Variants in TRIM58 observed in about 807,000 individuals in gnomAD.
The protein encoded by TRIM58 is tripartite motif containing 58.
Under a neutral mutation model 34.1 loss-of-function variants are expected in TRIM58, and 38 were observed. The ratio of observed to expected loss-of-function variants is 1.12; its 90% CI spans 0.86 to 1.46. The LOEUF (loss-of-function observed/expected upper bound fraction) is 1.46. Among genes scored for constraint, TRIM58 ranks in the 40% most tolerant of loss-of-function variants. The probability of loss-of-function intolerance (pLI) is 0.00; values close to 1 mark genes in which losing one functional copy is unlikely to be tolerated. For missense variants in TRIM58, 677 were observed against 642.0 expected (o/e 1.05, Z -0.59); for synonymous variants, 273 against 275.7 (o/e 0.99, Z 0.10).
chr1:247,877,741 A>C lies in TRIM58; in HGVS notation c.*1252A>C, dbSNP rs1305032374. On this transcript the variant is annotated 3_prime_UTR_variant, in exon 6 of 6. Transcript: ENST00000366481. The stretch of plus-strand genomic sequence containing the variant: ...CAGCTTTTCCATTTAAATACATTAT[A>C]ATGATGATGATGAAATCATGATAAT... 1 of 152,168 alleles carries C rather than the reference A, an allele frequency of 6.6e-6. No homozygotes were observed. Among genetic ancestry groups the C allele is most frequent in the Non-Finnish European group, 1.5e-5 (1 of 68,038 alleles). The allele number at this position is 152,168 out of a possible 1,614,324, so 9.4% of individuals were successfully genotyped here.
At chr1:247,866,426 G>A (rs1419956800) in intron 3 of TRIM58, among the ~76,000 whole-genome samples, 7 of 151,946 alleles carry the variant, frequency 4.6e-5, no homozygotes, top group African/African-American at 7.3e-5. Context: ...TAGGTGATCC[G>A]CCCACTTTGG....
Position 247,877,672 on chromosome 1 carries a change from A to G in TRIM58, c.*1183A>G, listed in dbSNP as rs975165041. 1 of 152,174 alleles carries G rather than the reference A, an allele frequency of 6.6e-6. No individual in the cohort carries two copies. The highest frequency in any genetic ancestry group is 2.4e-5 in the African/African-American group (1 of 41,436). 9.4% of individuals were successfully genotyped at this position (152,174 alleles called of 1,614,324 possible). On this transcript the variant is annotated 3_prime_UTR_variant, in exon 6 of 6. Coordinates refer to ENST00000366481, the MANE Select transcript of TRIM58 (RefSeq NM_015431.4). ...ACAATTATACTGGCCTCACTGTGTT[A>G]TGGTAAATATTTAAGGTCATATTTG... is the stretch of plus-strand genomic sequence containing the variant.
At position 247,872,419 on chromosome 1, in the gene TRIM58, G is replaced by C. The variant is rs1045840789; in HGVS notation, c.872-3481G>C. ...TAAGATTTGCTGTTGGATTATATAT[G>C]ATGTGCTATAAACAGGAAGAGCCAT... On this transcript the variant is annotated intron_variant, in intron 5 of 5. Coordinates refer to ENST00000366481, the MANE Select transcript of TRIM58 (RefSeq NM_015431.4). 6.6e-5 allele frequency among the ~76,000 whole-genome samples: 10 copies of C among 152,292 alleles called. No individual in the cohort carries two copies. The East Asian group carries it at 1.9e-3, about 29-fold the overall frequency.
intron 3 of TRIM58, among the ~76,000 whole-genome samples, chr1:247,867,302 ACTC>A (rs1299448162): frequency 6.6e-6 from 1 of 152,198 alleles, no homozygotes; most frequent in East Asian, 1.9e-4. Flanking sequence ...GCAGAATGTT[ACTC>A]TGTTACAATA....
At chr1:247,875,820 G>C (rs373736042) in intron 5 of TRIM58, 80 bp from the exon 6 acceptor site, 6 of 1,222,250 alleles carry the variant, frequency 4.9e-6, no homozygotes, top group East Asian at 4.7e-5. Context: ...GGAACTGTGG[G>C]ACTATTCTTT....
chr1:247,867,389 A>G (rs1268080194), intron 3 of TRIM58, among the ~76,000 whole-genome samples: 1 of 152,172 alleles, frequency 6.6e-6, no homozygotes, highest in African/African-American at 2.4e-5. Context: ...TAAACTTTGT[A>G]TAGCTTTAAA....
At position 247,878,402 on chromosome 1, in the gene TRIM58, A is replaced by G. The variant is rs188587764; in HGVS notation, c.*1913A>G. On this transcript the variant is annotated 3_prime_UTR_variant, in exon 6 of 6. Transcript: ENST00000366481. ...GACATCTTTAACTTACCTTCCAATC[A>G]TATTACTAACGTAGCCTTCTTCCTA... Among the ~76,000 whole-genome samples the G allele has an allele frequency of 2.2e-3, 329 of 152,266 alleles. No individual in the cohort carries two copies. The highest frequency in any genetic ancestry group is 5.8e-3 in the Admixed American group (89 of 15,298).
At chr1:247,858,661 T>C (rs986415042) in intron 1 of TRIM58, among the ~76,000 whole-genome samples, 6 of 152,074 alleles carry the variant, frequency 3.9e-5, no homozygotes, top group Non-Finnish European at 8.8e-5. Flanking sequence ...ATTTGCGAGA[T>C]GTAGGTACTA....
intron 5 of TRIM58, among the ~76,000 whole-genome samples, chr1:247,874,206 C>G (rs1233550560): frequency 3.9e-5 from 6 of 152,288 alleles, no homozygotes; most frequent in East Asian, 3.9e-4. Context: ...GTACAGGAGT[C>G]ATGGTGCTGG....
chr1:247,872,380 G>A (rs989253253), intron 5 of TRIM58, among the ~76,000 whole-genome samples: 5 of 152,164 alleles, frequency 3.3e-5, no homozygotes, highest in African/African-American at 7.2e-5. Flanking sequence ...GTTATATACT[G>A]AAGGCAGAGC....
chr1:247,857,601 G>C lies in TRIM58; in HGVS notation c.355G>C (p.Asp119His), dbSNP rs1214722288. 2 of 1,259,780 alleles carry C rather than the reference G, an allele frequency of 1.6e-6. No individual in the cohort carries two copies. Among genetic ancestry groups the C allele is most frequent in the Non-Finnish European group, 2.0e-6 (2 of 1,005,932 alleles). The allele number at this position is 1,259,780 out of a possible 1,614,324, so 78.0% of individuals were successfully genotyped here. The stretch of plus-strand genomic sequence containing the variant: ...CGAGGCGGCGCTGTGCTGGGTGTGC[G>C]ACGCCGGCCCCGAGCACAGGACGCA... Reference protein sequence around the residue: ...EDEAALCWVCDAGPEHRTHRT... With the variant: ...EDEAALCWVCHAGPEHRTHRT... Residue 119 changes from aspartate (D) to histidine (H), a missense_variant, in exon 1 of 6, where the codon GAC becomes CAC. Asp to His is a moderately conservative substitution (Grantham distance 81, BLOSUM62 -1). Coordinates refer to ENST00000366481, the MANE Select transcript of TRIM58 (RefSeq NM_015431.4).
Position 247,857,213 on chromosome 1 carries a change from G to A in TRIM58, c.-34G>A, listed in dbSNP as rs1307503987. On this transcript the variant is annotated 5_prime_UTR_variant, in exon 1 of 6. Coordinates refer to ENST00000366481, the MANE Select transcript of TRIM58 (RefSeq NM_015431.4). ...CAGACCGCGAGGGGAGACGGTGCGG[G>A]CGGCCGGGAGCGCAGCCCTCCGGGA... 4.6e-6 allele frequency: 6 copies of A among 1,306,630 alleles called. No individual in the cohort carries two copies. The African/African-American group carries it at 6.2e-5, about 13-fold the overall frequency. 80.9% of individuals were successfully genotyped at this position (1,306,630 alleles called of 1,614,324 possible). A position where few individuals can be genotyped will look rare whatever the true frequency, so the allele number is the denominator to read the frequency against.
chr1:247,874,718 A>G (rs1044023117), intron 5 of TRIM58, among the ~76,000 whole-genome samples: 2 of 152,188 alleles, frequency 1.3e-5, no homozygotes, highest in Non-Finnish European at 2.9e-5. Context: ...GCTTAAAGCC[A>G]TACCATTTAG....
chr1:247,873,705 C>T (rs545535989), intron 5 of TRIM58, among the ~76,000 whole-genome samples: 28 of 152,276 alleles, frequency 1.8e-4, no homozygotes, highest in African/African-American at 6.5e-4. Flanking sequence ...TGGCAGCTCA[C>T]GCCTGTAATC....
At chr1:247,865,235 T>C (rs1663893618) in intron 3 of TRIM58, among the ~76,000 whole-genome samples, 1 of 151,996 alleles carries the variant, frequency 6.6e-6, no homozygotes, top group Non-Finnish European at 1.5e-5. Context: ...ATCGAGACCT[T>C]CCTGGGCAAC....
intron 1 of TRIM58, among the ~76,000 whole-genome samples, chr1:247,858,813 G>C (rs527348556): frequency 5.7e-4 from 81 of 141,486 alleles, no homozygotes; most frequent in Middle Eastern, 3.8e-3. Context: ...CAGGCTGGAG[G>C]GCAGTGGCGC....
At chr1:247,857,750 CCGTCTCCTGAG>C (rs1441269978) in intron 1 of TRIM58, 84 bp downstream of exon 1, 23 of 1,195,638 alleles carry the variant, frequency 1.9e-5, no homozygotes, top group Non-Finnish European at 2.3e-5. Context: ...CCGAGGCCAC[CCGTCTCCTGAG>C]CGGCTCCCAC....
chr1:247,866,560 C>T (rs1165315452), intron 3 of TRIM58, among the ~76,000 whole-genome samples: 1 of 152,142 alleles, frequency 6.6e-6, no homozygotes, highest in Non-Finnish European at 1.5e-5. Flanking sequence ...CATGAGCCAC[C>T]CCGCCTGGCA....
chr1:247,871,407 G>GT (rs1486888003), intron 5 of TRIM58, among the ~76,000 whole-genome samples: 2 of 152,162 alleles, frequency 1.3e-5, no homozygotes, highest in African/African-American at 4.8e-5. Context: ...AAATTAGTGT[G>GT]TTTAGTCTGA....
Sources: allele counts gnomAD v4.1 joint callset (sites outside exome capture counted in the v4.1 genomes callset), GRCh38; gene constraint gnomAD v4.1.1; transcripts MANE v1.5; gene names NCBI Gene and HGNC (gene_info 2026-07-23, HGNC 2026-07-21).